The following SOX6 variants were observed in gnomAD, a reference collection of about 807,000 sequenced individuals.
SOX6 encodes the protein SRY-box transcription factor 6.
A neutral mutation model predicts 97.8 loss-of-function variants in SOX6; 11 were observed. That is an observed-to-expected ratio of 0.11 (90% CI 0.07 to 0.19). SOX6 has a LOEUF of 0.19. Ranked by LOEUF, SOX6 falls within the 10% of genes least tolerant of loss-of-function variation. The pLI is 1.00. For missense variants in SOX6, 810 were observed against 1,039.5 expected (o/e 0.78, Z 3.04); for synonymous variants, 360 against 371.4 (o/e 0.97, Z 0.35).
chr11:16,469,880 C>T (rs553851181), intron 1 of SOX6, among the ~76,000 whole-genome samples: 1 of 152,050 alleles, frequency 6.6e-6, no homozygotes, highest in East Asian at 1.9e-4. Context: ...AAAAATAGGC[C>T]AGGCTGTCCT....
intron 1 of SOX6, among the ~76,000 whole-genome samples, chr11:16,362,388 C>A (rs1290075424): frequency 6.6e-6 from 1 of 152,106 alleles, no homozygotes; most frequent in African/African-American, 2.4e-5. Context: ...CTTCACTCCT[C>A]CACTCTCTGA....
intron 3 of SOX6, among the ~76,000 whole-genome samples, chr11:16,654,151 C>T (rs1412180698): frequency 6.6e-6 from 1 of 152,098 alleles, no homozygotes; most frequent in Non-Finnish European, 1.5e-5. Context: ...AAAAGTGCTA[C>T]ATATTGTCAT....
chr11:16,569,966 G>A (rs886928778), intron 4 of SOX6, among the ~76,000 whole-genome samples: 1 of 151,028 alleles, frequency 6.6e-6, no homozygotes, highest in African/African-American at 2.4e-5. Flanking sequence ...ATTATAACCA[G>A]TTAATATAAG....
At chr11:16,185,766 T>G (rs1181906690) in intron 5 of SOX6, among the ~76,000 whole-genome samples, 2 of 152,192 alleles carry the variant, frequency 1.3e-5, no homozygotes, top group Non-Finnish European at 2.9e-5. Context: ...TAAATGACAT[T>G]CTAACTTCTG....
intron 6 of SOX6, among the ~76,000 whole-genome samples, chr11:16,138,360 A>C (rs1423422000): frequency 6.6e-6 from 1 of 152,144 alleles, no homozygotes; most frequent in Non-Finnish European, 1.5e-5. Flanking sequence ...GGATTCAAAA[A>C]ATCAAGTGAT....
intron 3 of SOX6, among the ~76,000 whole-genome samples, chr11:16,263,702 G>A (rs1419289242): frequency 6.6e-6 from 1 of 151,716 alleles, no homozygotes; most frequent in Non-Finnish European, 1.5e-5. Context: ...ATTGTTTTGG[G>A]GTGTTCATCA....
At chr11:16,625,433 G>C (rs1196608240) in intron 3 of SOX6, among the ~76,000 whole-genome samples, 5 of 152,138 alleles carry the variant, frequency 3.3e-5, no homozygotes, top group African/African-American at 1.2e-4. Flanking sequence ...TTCTTAAGAG[G>C]TAGGAGTGCT....
chr11:16,269,265 T>TTGCC (rs1554951394), intron 3 of SOX6, among the ~76,000 whole-genome samples: 1 of 150,378 alleles, frequency 6.6e-6, no homozygotes, highest in Non-Finnish European at 1.5e-5. Flanking sequence ...TTTATTCTCC[T>TTGCC]TGTTTATTCA....
chr11:16,287,058 CA>C (rs1450007761), intron 3 of SOX6, among the ~76,000 whole-genome samples: 1 of 151,782 alleles, frequency 6.6e-6, no homozygotes, highest in African/African-American at 2.4e-5. Flanking sequence ...CATGAAAACA[CA>C]AATATACTTT....
rs753020485 is a variant in SOX6 at position 16,149,474 on chromosome 11, T to C, written c.777+34412A>G. Among the ~76,000 whole-genome samples, 330 of 144,806 alleles carry C rather than the reference T, an allele frequency of 2.3e-3. 2 individuals carry two copies. The highest frequency in any genetic ancestry group is 4.0e-3 in the Non-Finnish European group (270 of 67,970). 95.0% of individuals were successfully genotyped at this position (144,806 alleles called of 152,430 possible). ...GGAGAATATGTGCTTCATTATAAAG[T>C]AGGGAAATAGGAGTCTGATAGGTCA... On this transcript the variant is annotated intron_variant, in intron 6 of 15. Coordinates refer to ENST00000683767, the MANE Select transcript of SOX6 (RefSeq NM_001367873.1).
chr11:15,990,511 A>G (rs10741687), intron 13 of SOX6, among the ~76,000 whole-genome samples: 50,421 of 151,790 alleles, frequency 0.33, 9,133 homozygotes, highest in Non-Finnish European at 0.41. Context: ...CTAGGATTCA[A>G]TAAAGTACTT....
intron 3 of SOX6, among the ~76,000 whole-genome samples, chr11:16,621,774 G>A (rs558887723): frequency 6.6e-6 from 1 of 152,048 alleles, no homozygotes; most frequent in African/African-American, 2.4e-5. Flanking sequence ...CCTAACAACT[G>A]CTTCTGTATT....
At chr11:16,702,184 A>C (rs1473571969) in intron 3 of SOX6, among the ~76,000 whole-genome samples, 1 of 152,208 alleles carries the variant, frequency 6.6e-6, no homozygotes, top group Non-Finnish European at 1.5e-5. Context: ...CAGAATAGTA[A>C]ATAATTCTGA....
At chr11:16,026,524 G>A (rs1855220807) in intron 12 of SOX6, among the ~76,000 whole-genome samples, 1 of 152,128 alleles carries the variant, frequency 6.6e-6, no homozygotes. Context: ...GACTCATTAT[G>A]GTGGCACTAG....
At chr11:16,583,756 C>T (rs1381800838) in intron 4 of SOX6, among the ~76,000 whole-genome samples, 1 of 150,612 alleles carries the variant, frequency 6.6e-6, no homozygotes, top group Non-Finnish European at 1.5e-5. Flanking sequence ...ATACTGATTC[C>T]CTTTCCTTTG....
chr11:16,435,456 CTG>C (rs1859358321), intron 1 of SOX6, among the ~76,000 whole-genome samples: 1 of 152,056 alleles, frequency 6.6e-6, no homozygotes, highest in Non-Finnish European at 1.5e-5. Context: ...AATATGAACT[CTG>C]TAATAATACC....
chr11:16,270,552 G>A (rs1854220709), intron 3 of SOX6, among the ~76,000 whole-genome samples: 1 of 151,058 alleles, frequency 6.6e-6, no homozygotes, highest in South Asian at 2.1e-4. Context: ...TGCCAATGTT[G>A]TGCATTGCAC....
intron 4 of SOX6, among the ~76,000 whole-genome samples, chr11:16,226,263 G>C (rs965174048): frequency 1.3e-5 from 2 of 151,214 alleles, no homozygotes; most frequent in African/African-American, 4.9e-5. Context: ...AATCGTAAAT[G>C]ACCAAGGAAA....
intron 2 of SOX6, among the ~76,000 whole-genome samples, chr11:16,329,252 T>G (rs186230790): frequency 7.2e-5 from 11 of 152,280 alleles, no homozygotes; most frequent in Non-Finnish European, 1.6e-4. Context: ...ACCCAAAAGT[T>G]TGTTGAATGT....
Sources: allele counts gnomAD v4.1 joint callset (sites outside exome capture counted in the v4.1 genomes callset), GRCh38; gene constraint gnomAD v4.1.1; transcripts MANE v1.5; gene names NCBI Gene and HGNC (gene_info 2026-07-23, HGNC 2026-07-21).